The following FSCN2 variants were observed in gnomAD, a reference collection of about 807,000 sequenced individuals.
FSCN2 encodes fascin-2.
Under a neutral mutation model 37.8 loss-of-function variants are expected in FSCN2, and 46 were observed. The observed-to-expected ratio is 1.22, with a 90% CI of 0.96 to 1.56. The LOEUF (loss-of-function observed/expected upper bound fraction) is 1.56, where lower values mean the gene tolerates loss of function less well. Among genes scored for constraint, FSCN2 ranks in the 40% most tolerant of loss-of-function variants. FSCN2 has a pLI of 0.00. For missense variants in FSCN2, 844 were observed against 730.4 expected, an observed-to-expected ratio of 1.16 and a Z score of -1.79; for synonymous variants, 351 against 309.4, an observed-to-expected ratio of 1.13 and a Z score of -1.41.
intron 1 of FSCN2, among the ~76,000 whole-genome samples, chr17:81,532,374 A>ATGATGGTGATGGTGATGATGG (rs1555671516): frequency 1.2e-4 from 16 of 129,488 alleles, no homozygotes; most frequent in African/African-American, 4.9e-4. Flanking sequence ...GGTGATGGTG[A>ATGATGGTGATGGTGATGATGG]TGATAGTGAT....
At chr17:81,517,974 C>A in the FSCN2 span, among the ~76,000 whole-genome samples, 1 of 152,124 alleles carries the variant, frequency 6.6e-6, no homozygotes, top group Non-Finnish European at 1.5e-5. Flanking sequence ...CATGCCTGCT[C>A]CCTGGCAGTG....
At chr17:81,521,012 C>T in the FSCN2 span, among the ~76,000 whole-genome samples, 1 of 152,088 alleles carries the variant, frequency 6.6e-6, no homozygotes, top group Admixed American at 6.5e-5. Context: ...ACTTCTAACC[C>T]TTCAGCGGAG....
At chr17:81,524,213 A>G (rs1237112648), upstream of FSCN2, among the ~76,000 whole-genome samples, 1 of 152,116 alleles carries the variant, frequency 6.6e-6, no homozygotes, top group Non-Finnish European at 1.5e-5. Context: ...CCGCACTGAG[A>G]GGGATGGAGG....
rs782634723 is a variant in FSCN2 at position 81,528,701 on chromosome 17, C to T, written c.170C>T (p.Ala57Val). The change falls in exon 1 of 5, where the codon GCT becomes GTT. Residue 57 changes from alanine to valine, a missense_variant. Ala to Val is a moderately conservative substitution (Grantham distance 64). Coordinates refer to ENST00000417245, the MANE Select transcript of FSCN2 (RefSeq NM_012418.4). ...VLEPDPGQGT[A>V]VLLRSSHLGR... ...GAACCCGACCCAGGACAAGGCACGG[C>T]TGTGCTGCTCCGCAGCAGCCACCTG... 35 of 1,600,506 alleles carry T rather than the reference C, an allele frequency of 2.2e-5. 1 individual carries two copies. Among genetic ancestry groups the T allele is most frequent in the Middle Eastern group, 1.7e-4 (1 of 6,040 alleles).
intron 1 of FSCN2, among the ~76,000 whole-genome samples, chr17:81,531,279 G>A (rs1227002178): frequency 0.015 from 822 of 55,188 alleles, 19 homozygotes; most frequent in African/African-American, 0.064. Context: ...GATGGCGGTG[G>A]TGATGGTGAT....
chr17:81,517,986 G>C, the FSCN2 span, among the ~76,000 whole-genome samples: 5 of 152,116 alleles, frequency 3.3e-5, no homozygotes, highest in Non-Finnish European at 5.9e-5. Context: ...CTGGCAGTGC[G>C]CGTCCTGCAA....
At chr17:81,531,972 ATAATGG>A (rs2032656474) in intron 1 of FSCN2, among the ~76,000 whole-genome samples, 1 of 117,246 alleles carries the variant, frequency 8.5e-6, no homozygotes, top group African/African-American at 3.3e-5. Context: ...GATAGTGATG[ATAATGG>A]TGATGATGAT....
chr17:81,536,485 T>C, intron 3 of FSCN2, 137 bp from the exon 4 acceptor site: 1 of 1,529,444 alleles, frequency 6.5e-7, no homozygotes, highest in Non-Finnish European at 8.8e-7. Context: ...CTAGGCGCCT[T>C]GCCAAGGCCG....
chr17:81,528,948 G>T lies in FSCN2; in HGVS notation c.417G>T (p.Pro139=). The change falls in exon 1 of 5, where the codon CCG becomes CCT. Residue 139 remains proline (P), a synonymous_variant. Transcript: ENST00000417245. The part of the protein sequence containing the change: ...ELWTVHLAIH[P]QAHLLSVSRR... ...GGACCGTGCACCTGGCCATCCACCC[G>T]CAGGCCCACCTGCTGAGCGTGAGCC... is the stretch of plus-strand genomic sequence containing the variant. 1.2e-5 allele frequency: 19 copies of T among 1,590,130 alleles called. No homozygotes were observed. The highest frequency in any genetic ancestry group is 1.6e-5 in the Non-Finnish European group (19 of 1,172,360).
At chr17:81,532,706 A>G (rs1288554547) in intron 1 of FSCN2, among the ~76,000 whole-genome samples, 16 of 119,374 alleles carry the variant, frequency 1.3e-4, no homozygotes, top group East Asian at 2.6e-4. Flanking sequence ...CGATAGTGAT[A>G]GTGATGGTGG....
chr17:81,531,366 A>ATGGTGGTGGTGATGG (rs2032572774), intron 1 of FSCN2, among the ~76,000 whole-genome samples: 2 of 55,596 alleles, frequency 3.6e-5, no homozygotes, highest in Non-Finnish European at 7.3e-5. Context: ...GATGGTGATG[A>ATGGTGGTGGTGATGG]TGGTGGTGGT....
intron 1 of FSCN2, among the ~76,000 whole-genome samples, chr17:81,534,029 G>A (rs2032776326): frequency 1.3e-5 from 2 of 152,244 alleles, no homozygotes; most frequent in Admixed American, 1.3e-4. Flanking sequence ...TATTTGCCAG[G>A]ATCTAGAGCT....
At chr17:81,534,487 G>T (rs2032786760) in intron 1 of FSCN2, among the ~76,000 whole-genome samples, 1 of 152,060 alleles carries the variant, frequency 6.6e-6, no homozygotes, top group African/African-American at 2.4e-5. Flanking sequence ...GGGCATGGGT[G>T]CCCCTCCATC....
At chr17:81,524,439 T>C (rs997790789), upstream of FSCN2, among the ~76,000 whole-genome samples, 2 of 152,008 alleles carry the variant, frequency 1.3e-5, no homozygotes. Flanking sequence ...AGGCACACAC[T>C]GGGCAGGGGC....
intron 1 of FSCN2, among the ~76,000 whole-genome samples, chr17:81,532,173 G>GA: frequency 1.0e-5 from 1 of 96,798 alleles, no homozygotes; most frequent in South Asian, 3.7e-4. Flanking sequence ...GGTGATGGTG[G>GA]TGGTGATGGT....
chr17:81,532,062 ATGATAGTGATGGTGGTGATGG>A (rs2032667771), intron 1 of FSCN2, among the ~76,000 whole-genome samples: 1 of 102,660 alleles, frequency 9.7e-6, no homozygotes, highest in Admixed American at 1.0e-4. Context: ...GGTGATGGTG[ATGATAGTGATGGTGGTGATGG>A]TGATGGTGAT....
chr17:81,528,587 A>T lies in FSCN2; in HGVS notation c.56A>T (p.Asp19Val), dbSNP rs201652340. Residue 19 changes from aspartate (D) to valine (V), a missense_variant, in exon 1 of 5, where the codon GAC (aspartate) becomes GTC (valine). Transcript: ENST00000417245. Reference sequence around the variant, plus strand: ...AAGATCCAGTTTGGCCTCGTCAACGACACTGACCGCTACCTGACAGCTGAG... The same window carrying T: ...AAGATCCAGTTTGGCCTCGTCAACGTCACTGACCGCTACCTGACAGCTGAG... The part of the protein sequence containing the change: ...VLKIQFGLVN[D>V]TDRYLTAESF... The T allele has an allele frequency of 2.8e-5, 45 of 1,609,226 alleles. No individual in the cohort carries two copies. The highest frequency in any genetic ancestry group is 3.7e-5 in the Non-Finnish European group (44 of 1,178,234).
At chr17:81,529,617 G>A in intron 1 of FSCN2, 1 of 716,654 alleles carries the variant, frequency 1.4e-6, no homozygotes, top group Admixed American at 1.8e-5. Flanking sequence ...CAGCATAGCT[G>A]GAGAATGTCT....
rs2032464277 is a variant in FSCN2 at position 81,529,190 on chromosome 17, C to G, written c.659C>G (p.Ala220Gly). The G allele has an allele frequency of 1.3e-6, 2 of 1,595,804 alleles. No homozygotes were observed. The highest frequency in any genetic ancestry group is 2.7e-5 in the African/African-American group (2 of 74,560). Residue 220 changes from alanine to glycine, a missense_variant, in exon 1 of 5, where the codon GCC becomes GGC. Physicochemically the swap from Ala to Gly is moderately conservative, Grantham distance 60 (BLOSUM62 0). Transcript: ENST00000417245. Reference protein sequence around the residue: ...YTLEFKAGKLAFKDCDGHYLA... With the variant: ...YTLEFKAGKLGFKDCDGHYLA... ...CTGGAGTTCAAGGCGGGCAAGCTGG[C>G]CTTCAAGGACTGCGACGGCCACTAC...
Sources: allele counts gnomAD v4.1 joint callset (sites outside exome capture counted in the v4.1 genomes callset), GRCh38; gene constraint gnomAD v4.1.1; transcripts MANE v1.5; gene names NCBI Gene and HGNC (gene_info 2026-07-23, HGNC 2026-07-21).